Variants in NAP1L1 observed in about 807,000 individuals in gnomAD.
NAP1L1 encodes nucleosome assembly protein 1-like 1.
Under a neutral mutation model 58.9 loss-of-function variants are expected in NAP1L1, and 9 were observed. The observed-to-expected ratio is 0.15, with a 90% CI of 0.09 to 0.27. The LOEUF (loss-of-function observed/expected upper bound fraction) is 0.27. Ranked by LOEUF, NAP1L1 falls within the 10% of genes least tolerant of loss-of-function variation. NAP1L1 has a pLI of 1.00. For synonymous variants in NAP1L1, 130 were observed against 138.3 expected, an observed-to-expected ratio of 0.94 and a Z score of 0.42; for missense variants, 302 against 458.8, an observed-to-expected ratio of 0.66 and a Z score of 3.12.
In NAP1L1 at chr12:76,038,659, G is replaced by T. The variant is rs895907908; in HGVS notation, c.*9770C>A. Reference sequence around the variant, plus strand: ...TAATCTAAGAGTAAAAGGGATAAAAGAATTCTGTGGGGTAGCCAGACTCAG... The same window carrying T: ...TAATCTAAGAGTAAAAGGGATAAAATAATTCTGTGGGGTAGCCAGACTCAG... On this transcript the variant is annotated 3_prime_UTR_variant, in exon 15 of 15. Transcript: ENST00000618691. 4.6e-5 allele frequency: 7 copies of T among 152,252 alleles called. No individual in the cohort carries two copies. Among genetic ancestry groups the T allele is most frequent in the Admixed American group, 2.6e-4 (4 of 15,288 alleles). The allele number at this position is 152,252 out of a possible 1,614,324, so 9.4% of individuals were successfully genotyped here.
chr12:76,049,378 A>T, intron 13 of NAP1L1, 128 bp from the exon 14 acceptor site: 1 of 1,557,122 alleles, frequency 6.4e-7, no homozygotes, highest in Non-Finnish European at 8.7e-7. Flanking sequence ...GACTTTGATG[A>T]TAATACAATT....
At chr12:76,079,641 G>T (rs995185920) in intron 1 of NAP1L1, among the ~76,000 whole-genome samples, 2 of 150,638 alleles carry the variant, frequency 1.3e-5, no homozygotes, top group East Asian at 1.9e-4. Context: ...GTGTGTATAA[G>T]ATCTCAAAAG....
intron 1 of NAP1L1, among the ~76,000 whole-genome samples, chr12:76,077,995 A>G (rs1047880497): frequency 1.3e-5 from 2 of 150,710 alleles, no homozygotes; most frequent in African/African-American, 4.9e-5. Flanking sequence ...AAAAAAAAAA[A>G]AAAAAAGGAA....
At position 76,057,729 on chromosome 12, in the gene NAP1L1, A is replaced by G. The variant is rs1204546892; in HGVS notation, c.430-1568T>C. ...GATTAGAGAAGAATTTTCCAAATGA[A>G]TATGCAAAACTTACTGTGGAAAATT... On this transcript the variant is annotated intron_variant, in intron 6 of 14. Coordinates refer to ENST00000618691, the MANE Select transcript of NAP1L1 (RefSeq NM_004537.7). 3.2e-6 allele frequency: 5 copies of G among 1,547,464 alleles called. No homozygotes were observed. In the African/African-American group the frequency reaches 5.5e-5, roughly 17 times the overall value.
chr12:76,081,483 C>T (rs1950407544), intron 1 of NAP1L1, among the ~76,000 whole-genome samples: 1 of 152,174 alleles, frequency 6.6e-6, no homozygotes, highest in Admixed American at 6.5e-5. Context: ...CACCCATACA[C>T]TCAGCACTTT....
chr12:76,050,155 C>T (rs1187056164), intron 12 of NAP1L1, among the ~76,000 whole-genome samples: 1 of 152,150 alleles, frequency 6.6e-6, no homozygotes, highest in Non-Finnish European at 1.5e-5. Flanking sequence ...TAATCTTAAC[C>T]TAACCATCAT....
chr12:76,050,431 ATAT>A, intron 12 of NAP1L1, 97 bp downstream of exon 12: 3 of 1,403,896 alleles, frequency 2.1e-6, no homozygotes, highest in Non-Finnish European at 2.8e-6. Context: ...ATTTTGAATT[ATAT>A]TATGTCCTGC....
intron 2 of NAP1L1, among the ~76,000 whole-genome samples, chr12:76,070,929 G>A (rs1357762070): frequency 2.0e-5 from 3 of 152,180 alleles, no homozygotes; most frequent in South Asian, 2.1e-4. Context: ...CCAACATTCC[G>A]GAAGCCAAGG....
chr12:76,072,202 TGA>T (rs1416455584), intron 2 of NAP1L1, among the ~76,000 whole-genome samples: 16 of 105,174 alleles, frequency 1.5e-4, no homozygotes, highest in Admixed American at 1.5e-3. Flanking sequence ...CCAAAACAAA[TGA>T]GAGAAAGAAA....
At chr12:76,079,305 C>A (rs141528550) in intron 1 of NAP1L1, among the ~76,000 whole-genome samples, 1 of 152,100 alleles carries the variant, frequency 6.6e-6, no homozygotes, top group Non-Finnish European at 1.5e-5. Context: ...GCAGGAGGAT[C>A]GCTTGAGGCC....
chr12:76,077,048 C>T (rs948386677), intron 1 of NAP1L1, among the ~76,000 whole-genome samples: 1 of 152,124 alleles, frequency 6.6e-6, no homozygotes, highest in Non-Finnish European at 1.5e-5. Context: ...GTCTACTAAA[C>T]CCAGCAATTG....
intron 2 of NAP1L1, 132 bp downstream of exon 2, chr12:76,074,071 A>G (rs776833308): frequency 3.1e-4 from 242 of 774,702 alleles, no homozygotes; most frequent in Admixed American, 2.8e-4. Flanking sequence ...ACTGCACTAG[A>G]CTTTTGTAAA....
In NAP1L1 at chr12:76,042,602, T is replaced by C. The variant is rs141658961; in HGVS notation, c.*5827A>G. 5.3e-4 allele frequency: 80 copies of C among 152,334 alleles called. No individual in the cohort carries two copies. Among genetic ancestry groups the C allele is most frequent in the African/African-American group, 1.7e-3 (71 of 41,582 alleles). The allele number at this position is 152,334 out of a possible 1,614,324, so 9.4% of individuals were successfully genotyped here. ...ACTGATTCCACTTATTTGAAAATAATTACAAATACGGACGGCAGTAGCAGT... is the reference window on the plus strand; with the variant it reads ...ACTGATTCCACTTATTTGAAAATAACTACAAATACGGACGGCAGTAGCAGT... On this transcript the variant is annotated 3_prime_UTR_variant, in exon 15 of 15. Coordinates refer to ENST00000618691, the MANE Select transcript of NAP1L1 (RefSeq NM_004537.7).
At chr12:76,056,297 G>T in intron 6 of NAP1L1, 136 bp from the exon 7 acceptor site, 1 of 853,954 alleles carries the variant, frequency 1.2e-6, no homozygotes, top group Non-Finnish European at 1.8e-6. Context: ...AAACACCGCC[G>T]TTGCCCATAA....
intron 1 of NAP1L1, among the ~76,000 whole-genome samples, chr12:76,080,104 T>C (rs1482737798): frequency 1.3e-5 from 2 of 152,164 alleles, no homozygotes; most frequent in Non-Finnish European, 2.9e-5. Context: ...TAAGAAACCA[T>C]TACCCAACTG....
At chr12:76,050,459 ACTAAT>A in intron 12 of NAP1L1, 67 bp downstream of exon 12, 3 of 1,502,886 alleles carry the variant, frequency 2.0e-6, no homozygotes, top group Middle Eastern at 2.5e-4. Context: ...TAAAAACTAA[ACTAAT>A]CTATTACCAA....
At chr12:76,055,539 GTAC>G (rs1565721116) in intron 7 of NAP1L1, among the ~76,000 whole-genome samples, 1 of 152,188 alleles carries the variant, frequency 6.6e-6, no homozygotes, top group Non-Finnish European at 1.5e-5. Context: ...AGGGCAACAT[GTAC>G]TACTACAATG....
intron 6 of NAP1L1, among the ~76,000 whole-genome samples, chr12:76,058,479 C>T (rs1163469004): frequency 2.0e-5 from 3 of 151,320 alleles, no homozygotes; most frequent in African/African-American, 7.3e-5. Context: ...CTCGACTTCC[C>T]GAGTTCAAGT....
chr12:76,082,310 C>T (rs750981779), intron 1 of NAP1L1, among the ~76,000 whole-genome samples: 1 of 152,106 alleles, frequency 6.6e-6, no homozygotes, highest in Non-Finnish European at 1.5e-5. Flanking sequence ...CAGGAGCAAG[C>T]TGAATAAAAT....
Sources: gnomAD v4.1 joint callset for allele counts (sites outside exome capture counted in the v4.1 genomes callset) on GRCh38, gnomAD v4.1.1 for gene constraint, MANE v1.5 for transcripts, NCBI Gene and HGNC (gene_info 2026-07-23, HGNC 2026-07-21) for gene names.